KLHL29: variants seen among roughly 807,000 people sequenced by gnomAD.
The protein encoded by KLHL29 is kelch like family member 29, also known as kelch-like protein 29.
A neutral mutation model predicts 80.4 loss-of-function variants in KLHL29; 21 were observed. The ratio of observed to expected loss-of-function variants is 0.26; its 90% CI spans 0.19 to 0.38. The LOEUF is 0.38. Ranked by LOEUF, KLHL29 falls within the 10% of genes least tolerant of loss-of-function variation. The pLI is 1.00. For synonymous variants in KLHL29, 511 were observed against 526.8 expected, an observed-to-expected ratio of 0.97 and a Z score of 0.41; for missense variants, 867 against 1,223.9, an observed-to-expected ratio of 0.71 and a Z score of 4.35.
intron 2 of KLHL29, among the ~76,000 whole-genome samples, chr2:23,513,903 C>T (rs180916483): frequency 2.1e-4 from 32 of 152,336 alleles, no homozygotes; most frequent in African/African-American, 5.8e-4. Flanking sequence ...TTTTTAAAAT[C>T]TGCTGCACTT....
intron 5 of KLHL29, among the ~76,000 whole-genome samples, chr2:23,670,913 A>ACG (rs796301580): frequency 0.013 from 199 of 15,422 alleles, 76 homozygotes; most frequent in Middle Eastern, 0.077. Flanking sequence ...ACACACATGC[A>ACG]CGCGCTCTCT....
At chr2:23,605,389 C>T (rs902283880) in intron 3 of KLHL29, among the ~76,000 whole-genome samples, 3 of 151,990 alleles carry the variant, frequency 2.0e-5, no homozygotes, top group African/African-American at 7.3e-5. Flanking sequence ...TGAGCCACCA[C>T]ACCCCGCCTA....
At chr2:23,556,195 A>G (rs1027585839) in intron 2 of KLHL29, among the ~76,000 whole-genome samples, 1 of 152,092 alleles carries the variant, frequency 6.6e-6, no homozygotes, top group African/African-American at 2.4e-5. Context: ...CTGGCTTCCT[A>G]AGTTGTGTGT....
chr2:23,523,996 C>T (rs573351674), intron 2 of KLHL29: 1 of 471,724 alleles, frequency 2.1e-6, no homozygotes, highest in East Asian at 6.9e-5. Context: ...CTTGCCTAAA[C>T]ACCACCAGCG....
chr2:23,682,332 G>T lies in KLHL29; in HGVS notation c.941-2067G>T, dbSNP rs1671110800. Among the ~76,000 whole-genome samples the T allele has an allele frequency of 1.3e-5, 2 of 152,152 alleles. No homozygotes were observed. The highest frequency in any genetic ancestry group is 6.5e-5 in the Admixed American group (1 of 15,282). On this transcript the variant is annotated intron_variant, in intron 5 of 13. Transcript: ENST00000486442. The surrounding 1 kb of genome is among the most constrained non-coding windows in gnomAD (Gnocchi z 4.1). ...CAAGTGTGGACCCTGAGGCTCTGAG[G>T]ATGTGGGTCCCCTTTCCCAAGGTCA...
rs1671983007 is a variant in KLHL29 at position 23,696,719 on chromosome 2, A to C, written c.2105+206A>C. 2.0e-6 allele frequency: 1 copy of C among 506,374 alleles called. No individual in the cohort carries two copies. The highest frequency in any genetic ancestry group is 3.5e-6 in the Non-Finnish European group (1 of 289,806). The allele number at this position is 506,374 out of a possible 1,614,324, so 31.4% of individuals were successfully genotyped here. ...AAGCAGATGGGATGACATCTGTGTC[A>C]CCTTTGCAGTCGCTGAGATGGGAGA... On this transcript the variant is annotated intron_variant, in intron 11 of 13. Coordinates refer to ENST00000486442, the MANE Select transcript of KLHL29 (RefSeq NM_052920.2). The surrounding 1 kb of genome is among the most constrained non-coding windows in gnomAD (Gnocchi z 5.5).
chr2:23,589,308 A>G (rs941722152), intron 3 of KLHL29, among the ~76,000 whole-genome samples: 5 of 152,248 alleles, frequency 3.3e-5, no homozygotes, highest in African/African-American at 1.2e-4. Context: ...CCACTGGGAC[A>G]GCCAGATCTA....
intron 3 of KLHL29, among the ~76,000 whole-genome samples, chr2:23,584,140 G>A (rs1306781050): frequency 6.6e-6 from 1 of 152,178 alleles, no homozygotes; most frequent in Non-Finnish European, 1.5e-5. Context: ...TAGAAGATGA[G>A]CGATCCCCAG....
Position 23,639,063 on chromosome 2 carries a change from GTCCC to G in KLHL29, c.286-72_286-69del, listed in dbSNP as rs1346823416. On this transcript the variant is annotated intron_variant, in intron 3 of 13. Transcript: ENST00000486442. Reference sequence around the variant, plus strand: ...ACTGGAGTCTTGTTTTGGAGGCTAGGTCCCTCCTAGGGAGTCTTGTTCTGGAGGC... The same window carrying G: ...ACTGGAGTCTTGTTTTGGAGGCTAGGTCCTAGGGAGTCTTGTTCTGGAGGC... 8.0e-6 allele frequency: 11 copies of G among 1,372,464 alleles called. No homozygotes were observed. The African/African-American group carries it at 1.7e-4, about 21-fold the overall frequency. The allele number at this position is 1,372,464 out of a possible 1,614,324, so 85.0% of individuals were successfully genotyped here. A position where few individuals can be genotyped will look rare whatever the true frequency, so the allele number is the denominator to read the frequency against.
intron 1 of KLHL29, among the ~76,000 whole-genome samples, chr2:23,462,287 T>C (rs1664236401): frequency 6.6e-6 from 1 of 152,164 alleles, no homozygotes; most frequent in South Asian, 2.1e-4. Context: ...ACCTGGTCTG[T>C]GATCTGGAGG....
intron 2 of KLHL29, among the ~76,000 whole-genome samples, chr2:23,536,320 A>G (rs972004497): frequency 6.6e-6 from 1 of 152,144 alleles, no homozygotes; most frequent in African/African-American, 2.4e-5. Context: ...TCAAGACCCA[A>G]GGGGCTCCAA....
At chr2:23,578,308 C>T (rs1553340541) in intron 3 of KLHL29, among the ~76,000 whole-genome samples, 2 of 152,340 alleles carry the variant, frequency 1.3e-5, no homozygotes, top group Non-Finnish European at 2.9e-5. Context: ...AGCCCAGACT[C>T]TAGATTCAAA....
intron 2 of KLHL29, among the ~76,000 whole-genome samples, chr2:23,548,456 G>T (rs1469935594): frequency 6.6e-6 from 1 of 152,180 alleles, no homozygotes; most frequent in East Asian, 1.9e-4. Flanking sequence ...GCACATGATA[G>T]AGTTGCATGT....
Position 23,406,010 on chromosome 2 carries a change from A to G in KLHL29, c.-154+20230A>G, listed in dbSNP as rs116819355. On this transcript the variant is annotated intron_variant, in intron 1 of 13. Transcript: ENST00000486442. ...CCATTGTGTAAAATGTTCAGGTATA[A>G]CAACAAAGTAATAATCTCTAATAAA... Among the ~76,000 whole-genome samples, 361 of 152,300 alleles carry G rather than the reference A, an allele frequency of 2.4e-3. 1 individual carries two copies. The highest frequency in any genetic ancestry group is 8.3e-3 in the African/African-American group (347 of 41,568).
intron 1 of KLHL29, among the ~76,000 whole-genome samples, chr2:23,430,184 C>T (rs1663129527): frequency 6.6e-6 from 1 of 152,190 alleles, no homozygotes; most frequent in Non-Finnish European, 1.5e-5. Context: ...GCCTCACTTC[C>T]AGAGTGTGCG....
intron 3 of KLHL29, among the ~76,000 whole-genome samples, chr2:23,572,281 A>G (rs1317814162): frequency 6.6e-6 from 1 of 152,170 alleles, no homozygotes; most frequent in African/African-American, 2.4e-5. Flanking sequence ...TCTTCCTAGC[A>G]TTGTCATTTC....
intron 2 of KLHL29, among the ~76,000 whole-genome samples, chr2:23,514,143 G>A (rs551316829): frequency 8.0e-4 from 122 of 152,316 alleles, no homozygotes; most frequent in Admixed American, 2.0e-3. Context: ...TATGCAGTGC[G>A]TAGGCAGGGT....
At chr2:23,663,621 G>C (rs1485726796) in intron 5 of KLHL29, among the ~76,000 whole-genome samples, 3 of 152,226 alleles carry the variant, frequency 2.0e-5, no homozygotes, top group Non-Finnish European at 4.4e-5. Flanking sequence ...TTTGATTTCC[G>C]GAGTGATATT....
At chr2:23,587,729 G>A (rs545758771) in intron 3 of KLHL29, among the ~76,000 whole-genome samples, 7 of 152,162 alleles carry the variant, frequency 4.6e-5, no homozygotes, top group Non-Finnish European at 1.0e-4. Context: ...GAGCTCTGGG[G>A]GAAGGAAGCA....
Sources: allele counts gnomAD v4.1 joint callset (sites outside exome capture counted in the v4.1 genomes callset), GRCh38; gene constraint gnomAD v4.1.1; non-coding constraint Gnocchi (gnomAD v3.1); transcripts MANE v1.5; gene names NCBI Gene and HGNC (gene_info 2026-07-23, HGNC 2026-07-21).